The following LRRC37A2 variants were observed in gnomAD, a reference collection of about 807,000 sequenced individuals.
LRRC37A2 encodes the protein leucine rich repeat containing 37 member A2.
A neutral mutation model predicts 68.8 loss-of-function variants in LRRC37A2; 9 were observed. That is an observed-to-expected ratio of 0.13 (90% confidence interval 0.08 to 0.23). The LOEUF (loss-of-function observed/expected upper bound fraction) is 0.23. Ranked by LOEUF, LRRC37A2 falls within the 10% of genes least tolerant of loss-of-function variation. The pLI is 1.00. For missense variants in LRRC37A2, 168 were observed against 950.4 expected, an observed-to-expected ratio of 0.18 and a Z score of 10.82; for synonymous variants, 63 against 367.6, an observed-to-expected ratio of 0.17 and a Z score of 9.48.
At chr17:46,898,412 T>C in the LRRC37A2 span, among the ~76,000 whole-genome samples, 34 of 152,316 alleles carry the variant, frequency 2.2e-4, no homozygotes, top group Admixed American at 7.8e-4. Flanking sequence ...AGGGTTTCCA[T>C]TGCCAAGTTC....
At chr17:46,988,254 C>A in the LRRC37A2 span, among the ~76,000 whole-genome samples, 1 of 152,146 alleles carries the variant, frequency 6.6e-6, no homozygotes, top group Admixed American at 6.5e-5. Flanking sequence ...TGTATGATTC[C>A]ATTTGTATGA....
At chr17:46,551,455 A>T (rs1200972841) in intron 11 of LRRC37A2, among the ~76,000 whole-genome samples, 1 of 147,980 alleles carries the variant, frequency 6.8e-6, no homozygotes, top group African/African-American at 2.6e-5. Flanking sequence ...CCCCTCACCA[A>T]ACCCCAGTCA....
chr17:46,779,146 G>A, the LRRC37A2 span, among the ~76,000 whole-genome samples: 1 of 148,444 alleles, frequency 6.7e-6, no homozygotes, highest in Non-Finnish European at 1.5e-5. Context: ...CACATGCTAG[G>A]TATTCATGAT....
the LRRC37A2 span, among the ~76,000 whole-genome samples, chr17:46,758,250 A>G: frequency 6.6e-6 from 1 of 152,240 alleles, no homozygotes; most frequent in Admixed American, 6.5e-5. Flanking sequence ...AGTTTAGGAC[A>G]GGAGGCAGCT....
At chr17:46,907,976 A>G in the LRRC37A2 span, among the ~76,000 whole-genome samples, 1 of 152,062 alleles carries the variant, frequency 6.6e-6, no homozygotes, top group Non-Finnish European at 1.5e-5. Flanking sequence ...CCGGTAGAAG[A>G]GTTCAGTCTC....
chr17:46,872,583 C>T, the LRRC37A2 span: 585 of 1,608,234 alleles, frequency 3.6e-4, 3 homozygotes, highest in African/African-American at 6.9e-3. Flanking sequence ...CGGCACAGGG[C>T]GGGGCCCACC....
chr17:46,880,413 ATTAT>A, the LRRC37A2 span, among the ~76,000 whole-genome samples: 2 of 152,172 alleles, frequency 1.3e-5, no homozygotes, highest in Non-Finnish European at 2.9e-5. Context: ...TCAACCAATG[ATTAT>A]TTAGGGATCT....
chr17:46,925,586 G>C, the LRRC37A2 span, among the ~76,000 whole-genome samples: 1 of 152,188 alleles, frequency 6.6e-6, no homozygotes. Flanking sequence ...TCAGTTCCAT[G>C]ATAACAGAAC....
the LRRC37A2 span, among the ~76,000 whole-genome samples, chr17:46,803,384 CT>C: frequency 6.6e-6 from 1 of 152,166 alleles, no homozygotes; most frequent in Admixed American, 6.5e-5. Context: ...AAATACAAAA[CT>C]TAGCCAGGTG....
chr17:46,610,007 C>CTCTTTCTCTCTTTCTTTCTT, the LRRC37A2 span, among the ~76,000 whole-genome samples: 1 of 116,970 alleles, frequency 8.5e-6, no homozygotes, highest in African/African-American at 3.2e-5. Flanking sequence ...CTTTCTTTCT[C>CTCTTTCTCTCTTTCTTTCTT]TCTTTCTTTC....
the LRRC37A2 span, among the ~76,000 whole-genome samples, chr17:46,635,818 T>TGC: frequency 2.3e-3 from 319 of 138,454 alleles, 19 homozygotes; most frequent in African/African-American, 8.1e-3. Context: ...TGTGTGTGTG[T>TGC]GCTCGTGTGT....
At chr17:47,037,238 C>T in the LRRC37A2 span, among the ~76,000 whole-genome samples, 1 of 151,808 alleles carries the variant, frequency 6.6e-6, no homozygotes, top group Non-Finnish European at 1.5e-5. Flanking sequence ...TGCAGTAAGC[C>T]GAGGTCACGC....
the LRRC37A2 span, among the ~76,000 whole-genome samples, chr17:46,958,871 G>T: frequency 6.6e-6 from 1 of 152,236 alleles, no homozygotes; most frequent in African/African-American, 2.4e-5. Flanking sequence ...GACTTGCTGT[G>T]TGGCCCCTCA....
intron 6 of LRRC37A2, among the ~76,000 whole-genome samples, chr17:46,534,549 G>T (rs1350149425): frequency 6.8e-6 from 1 of 147,820 alleles, no homozygotes; most frequent in Non-Finnish European, 1.5e-5. Flanking sequence ...CAAGGCAGAA[G>T]AATTTTTCTT....
the LRRC37A2 span, among the ~76,000 whole-genome samples, chr17:46,816,119 A>G: frequency 1.3e-5 from 2 of 150,552 alleles, no homozygotes; most frequent in Admixed American, 6.6e-5. Flanking sequence ...ACGTACACAC[A>G]CACACACACA....
At chr17:46,552,899 A>C (rs2056929379) in intron 11 of LRRC37A2, among the ~76,000 whole-genome samples, 2 of 145,948 alleles carry the variant, frequency 1.4e-5, no homozygotes, top group African/African-American at 5.4e-5. Context: ...AAAAATTAAA[A>C]AAAAAAATAG....
the LRRC37A2 span, among the ~76,000 whole-genome samples, chr17:46,753,608 A>AT: frequency 6.6e-5 from 10 of 151,650 alleles, no homozygotes; most frequent in Non-Finnish European, 8.8e-5. Flanking sequence ...TTTCAGTATA[A>AT]TTTTTTTTCA....
the LRRC37A2 span, among the ~76,000 whole-genome samples, chr17:46,709,580 C>T: frequency 3.3e-5 from 5 of 151,672 alleles, no homozygotes; most frequent in African/African-American, 2.4e-5. Context: ...CTGCAACCTC[C>T]GCCTCCCGGG....
the LRRC37A2 span, among the ~76,000 whole-genome samples, chr17:46,789,613 C>G: frequency 6.6e-6 from 1 of 152,098 alleles, no homozygotes; most frequent in Admixed American, 6.5e-5. Flanking sequence ...ACACAAGGGA[C>G]AGAGGAACAA....
Sources: gnomAD v4.1 joint callset for allele counts (sites outside exome capture counted in the v4.1 genomes callset) on GRCh38, gnomAD v4.1.1 for gene constraint, MANE v1.5 for transcripts, NCBI Gene and HGNC (gene_info 2026-07-23, HGNC 2026-07-21) for gene names.